The following NWD2 variants were observed in gnomAD, a reference collection of about 807,000 sequenced individuals.
NWD2 encodes the protein NACHT and WD repeat domain containing 2, also known as NACHT and WD repeat domain-containing protein 2.
A neutral mutation model predicts 132.7 loss-of-function variants in NWD2; 37 were observed. That is an observed-to-expected ratio of 0.28 (90% CI 0.21 to 0.37). NWD2 has a LOEUF of 0.37. NWD2 is among the 10% of genes least tolerant of loss of function. The pLI, the probability that NWD2 is intolerant of heterozygous loss-of-function variation, is 1.00. For missense variants in NWD2, 1,592 were observed against 2,122.4 expected, an observed-to-expected ratio of 0.75 and a Z score of 4.91; for synonymous variants, 705 against 803.0, an observed-to-expected ratio of 0.88 and a Z score of 2.06.
chr4:37,320,972 C>T (rs1024717492), intron 1 of NWD2, among the ~76,000 whole-genome samples: 17 of 152,004 alleles, frequency 1.1e-4, no homozygotes, highest in Non-Finnish European at 2.2e-4. Context: ...AGCTGGCCAA[C>T]GTGGTAAAAC....
chr4:37,444,689 A>C lies in NWD2; in HGVS notation c.2701A>C (p.Asn901His). 2 of 1,552,184 alleles carry C rather than the reference A, an allele frequency of 1.3e-6. No homozygotes were observed. The highest frequency in any genetic ancestry group is 3.3e-4 in the Middle Eastern group (2 of 5,996). ...GGCCAACACCCTCCGCAGCATCAAA[A>C]ACAAGGTCACTGCATTTCCCGGCTC... ...FLANTLRSIK[N>H]KVTAFPGSLS... Residue 901 changes from asparagine to histidine, a missense_variant, in exon 7 of 7, where the codon AAC becomes CAC. Around this residue, in one of 7 missense-constraint regions of NWD2, gnomAD observed 1,071 missense variants for 1,398.0 expected, o/e 0.77. Transcript: ENST00000309447. This position sits in a 1 kb window ranked among gnomAD's most constrained non-coding sequence, Gnocchi z 4.8.
chr4:37,427,165 A>G (rs900340915), intron 3 of NWD2, among the ~76,000 whole-genome samples: 2 of 151,852 alleles, frequency 1.3e-5, no homozygotes, highest in African/African-American at 2.4e-5. Flanking sequence ...CTCCATCTGT[A>G]TACTTTCTTG....
intron 2 of NWD2, among the ~76,000 whole-genome samples, chr4:37,345,499 T>A (rs1465726379): frequency 1.3e-5 from 2 of 152,214 alleles, no homozygotes; most frequent in Non-Finnish European, 2.9e-5. Flanking sequence ...TTTGTATATA[T>A]TCTGTGAAGA....
intron 2 of NWD2, among the ~76,000 whole-genome samples, chr4:37,348,675 T>TATATATATATATACACAC (rs1308407988): frequency 2.7e-4 from 6 of 22,570 alleles, no homozygotes; most frequent in Non-Finnish European, 3.8e-4. Flanking sequence ...TATATATATA[T>TATATATATATATACACAC]ACACACACAC....
chr4:37,270,367 G>A (rs1039090303), intron 1 of NWD2, among the ~76,000 whole-genome samples: 8 of 151,718 alleles, frequency 5.3e-5, no homozygotes, highest in African/African-American at 1.7e-4. Flanking sequence ...TTTGCAAAGT[G>A]GTGAGGCTAT....
chr4:37,294,309 T>C (rs1380606329), intron 1 of NWD2, among the ~76,000 whole-genome samples: 1 of 152,186 alleles, frequency 6.6e-6, no homozygotes, highest in African/African-American at 2.4e-5. Flanking sequence ...TGTAGGTTAT[T>C]TCAGAGAAAT....
intron 1 of NWD2, among the ~76,000 whole-genome samples, chr4:37,309,223 C>T (rs1776536): frequency 0.073 from 11,059 of 152,222 alleles, 1,238 homozygotes; most frequent in African/African-American, 0.24. Flanking sequence ...AGGCCCCAGG[C>T]AGGCCAGTCC....
chr4:37,408,245 A>C (rs1020541745), intron 3 of NWD2, among the ~76,000 whole-genome samples: 1 of 151,852 alleles, frequency 6.6e-6, no homozygotes. Context: ...GGCAGGTCCC[A>C]CCCCCACGGA....
chr4:37,292,933 C>T (rs1410547169), intron 1 of NWD2, among the ~76,000 whole-genome samples: 2 of 152,212 alleles, frequency 1.3e-5, no homozygotes, highest in Non-Finnish European at 1.5e-5. Context: ...TGCTGTGCAG[C>T]CTGGTTCCTA....
intron 3 of NWD2, among the ~76,000 whole-genome samples, chr4:37,374,701 A>G (rs751937189): frequency 4.6e-5 from 7 of 152,224 alleles, no homozygotes; most frequent in Non-Finnish European, 8.8e-5. Flanking sequence ...TGATGAATCT[A>G]ATGGAAATAT....
rs75960391 is a variant in NWD2, at chr4:37,259,302, A to G, written c.151+14084A>G. ...TAAACATACAGTGAACCCTATATAA[A>G]AGCAAAGCATTGCTGTTTGCTTAAA... is the stretch of plus-strand genomic sequence containing the variant. On this transcript the variant is annotated intron_variant, in intron 1 of 6. Coordinates refer to ENST00000309447, the MANE Select transcript of NWD2 (RefSeq NM_001144990.2). Among the ~76,000 whole-genome samples, 1,333 of 152,324 alleles carry G rather than the reference A, an allele frequency of 8.8e-3. 15 individuals carry two copies. The highest frequency in any genetic ancestry group is 0.031 in the African/African-American group (1,282 of 41,576).
chr4:37,395,948 C>T (rs976703372), intron 3 of NWD2, among the ~76,000 whole-genome samples: 7 of 151,880 alleles, frequency 4.6e-5, no homozygotes, highest in Non-Finnish European at 8.8e-5. Context: ...TAGCACCTGT[C>T]TGAGATGTAT....
chr4:37,334,618 GC>G, intron 2 of NWD2, among the ~76,000 whole-genome samples: 1 of 152,220 alleles, frequency 6.6e-6, no homozygotes, highest in East Asian at 1.9e-4. Flanking sequence ...TCCCACATGG[GC>G]CGCTGGTACA....
rs1171537628 is a variant in NWD2, at chr4:37,447,206, C to G, written c.5218C>G (p.Pro1740Ala). Residue 1740 changes from proline to alanine, a missense_variant, in exon 7 of 7, where the codon CCT becomes GCT. Transcript: ENST00000309447. ...AGAAGCCAGGGGCCACAGCTATGCC[C>G]CTGATAACTGACAAAATGTTTTCCA... ...ALEARGHSYA[P>A]DN 1 of 1,544,064 alleles carries G rather than the reference C, an allele frequency of 6.5e-7. No individual in the cohort carries two copies.
intron 1 of NWD2, among the ~76,000 whole-genome samples, chr4:37,264,388 G>A (rs1489983145): frequency 1.3e-5 from 2 of 151,994 alleles, no homozygotes; most frequent in Non-Finnish European, 2.9e-5. Flanking sequence ...TCCTGAAGTT[G>A]TTTTGCTTAT....
Position 37,439,329 on chromosome 4 carries a change from T to G in NWD2, c.1235T>G (p.Leu412Arg). The change falls in exon 6 of 7, where the codon CTT (leucine) becomes CGT (arginine). Residue 412 changes from leucine to arginine, a missense_variant. By Grantham distance (102) the Leu-to-Arg change is moderately radical. Transcript: ENST00000309447. This position sits in a 1 kb window ranked among gnomAD's most constrained non-coding sequence, Gnocchi z 4.5. ...AGCAAAGCTGGACACATCAACCCTC[T>G]TATTATATATGGTGGGCCATGCACT... ...LPSKAGHINP[L>R]IIYGGPCTGK... is the part of the protein sequence containing the mutation. The G allele has an allele frequency of 6.5e-7, 1 of 1,543,144 alleles. No individual in the cohort carries two copies. Among genetic ancestry groups the G allele is most frequent in the Non-Finnish European group, 8.7e-7 (1 of 1,144,016 alleles).
At chr4:37,426,049 G>A (rs1269708869) in intron 3 of NWD2, among the ~76,000 whole-genome samples, 1 of 152,178 alleles carries the variant, frequency 6.6e-6, no homozygotes, top group Non-Finnish European at 1.5e-5. Context: ...GAGTTGGACT[G>A]CCCCCTTCTC....
chr4:37,442,619 A>G (rs1045702110), intron 6 of NWD2, among the ~76,000 whole-genome samples: 2 of 152,238 alleles, frequency 1.3e-5, no homozygotes, highest in East Asian at 3.8e-4. Context: ...GTTACAAAGC[A>G]CAACGTTTAA....
chr4:37,267,179 G>A (rs1717771136), intron 1 of NWD2, among the ~76,000 whole-genome samples: 1 of 151,996 alleles, frequency 6.6e-6, no homozygotes, highest in Non-Finnish European at 1.5e-5. Context: ...TGTACGGCTA[G>A]AAATAATAAA....
Sources: gnomAD v4.1 joint callset for allele counts (sites outside exome capture counted in the v4.1 genomes callset) on GRCh38, gnomAD v4.1.1 for gene constraint, gnomAD v4.1.1 regional missense constraint, Gnocchi (gnomAD v3.1) non-coding constraint, MANE v1.5 for transcripts, NCBI Gene and HGNC (gene_info 2026-07-23, HGNC 2026-07-21) for gene names.